The following PRKCH variants were observed in gnomAD, a reference collection of about 807,000 sequenced individuals.
PRKCH encodes protein kinase C eta.
PRKCH carries 28 observed loss-of-function variants against 82.5 expected under a neutral mutation model. The observed-to-expected ratio is 0.34, with a 90% CI of 0.25 to 0.47. The LOEUF (loss-of-function observed/expected upper bound fraction) is 0.47, where lower values mean the gene tolerates loss of function less well. PRKCH is among the 20% of genes least tolerant of loss of function. The pLI, the probability that PRKCH is intolerant of heterozygous loss-of-function variation, is 1.00. For synonymous variants in PRKCH, 322 were observed against 327.4 expected (o/e 0.98, Z 0.18); for missense variants, 705 against 881.8 (o/e 0.80, Z 2.54).
rs564691761 is a variant in PRKCH at position 61,537,004 on chromosome 14, G to A, written c.1761+6409G>A. On this transcript the variant is annotated intron_variant, in intron 12 of 13. Coordinates refer to ENST00000332981, the MANE Select transcript of PRKCH (RefSeq NM_006255.5). ...GGAGTGCAGAATCAGTGGGTGCGGG[G>A]GTAGCTTGAGCACACTTAGTTTTTA... Among the ~76,000 whole-genome samples the A allele has an allele frequency of 3.9e-5, 6 of 152,252 alleles. No homozygotes were observed. The East Asian group carries it at 1.2e-3, about 29-fold the overall frequency.
chr14:61,504,405 G>A (rs1887050196), intron 10 of PRKCH, among the ~76,000 whole-genome samples: 1 of 152,032 alleles, frequency 6.6e-6, no homozygotes, highest in African/African-American at 2.4e-5. Context: ...GGCCAGGCAG[G>A]TCTTGAACTC....
intron 1 of PRKCH, among the ~76,000 whole-genome samples, chr14:61,238,318 C>G (rs1566790550): frequency 1.3e-5 from 2 of 152,216 alleles, no homozygotes; most frequent in African/African-American, 2.4e-5. Context: ...GGGTCCCTGA[C>G]AGGAGATTGA....
At chr14:61,533,365 C>A (rs2043066285) in intron 12 of PRKCH, among the ~76,000 whole-genome samples, 1 of 148,702 alleles carries the variant, frequency 6.7e-6, no homozygotes, top group African/African-American at 2.5e-5. Flanking sequence ...CTCTCCATGC[C>A]TAAAAACAAG....
intron 10 of PRKCH, among the ~76,000 whole-genome samples, chr14:61,523,159 C>T (rs534505696): frequency 5.0e-4 from 76 of 152,352 alleles, no homozygotes; most frequent in South Asian, 4.8e-3. Context: ...AGCAAATGAT[C>T]TGCACATTTG....
At chr14:61,536,170 A>G (rs548642636) in intron 12 of PRKCH, among the ~76,000 whole-genome samples, 34 of 86,120 alleles carry the variant, frequency 3.9e-4, no homozygotes, top group East Asian at 3.2e-3. Flanking sequence ...CTGGGAGTCT[A>G]TGTCACCCTC....
At chr14:61,432,367 C>T (rs1274710838) in intron 2 of PRKCH, among the ~76,000 whole-genome samples, 1 of 152,136 alleles carries the variant, frequency 6.6e-6, no homozygotes, top group Admixed American at 6.5e-5. Context: ...CAAACCTTCC[C>T]TCGAACATTT....
chr14:61,487,757 C>G (rs1488668537), intron 10 of PRKCH, among the ~76,000 whole-genome samples: 1 of 151,384 alleles, frequency 6.6e-6, no homozygotes, highest in Non-Finnish European at 1.5e-5. Flanking sequence ...CCTCGGAAGG[C>G]TGAGCGGGGA....
At chr14:61,281,769 C>G (rs77080549) in intron 1 of PRKCH, 10,054 of 161,524 alleles carry the variant, frequency 0.062, 557 homozygotes, top group East Asian at 0.16. Flanking sequence ...GTTAGCTTCA[C>G]AAACCGCTTT....
At chr14:61,540,448 T>A (rs1206491776) in intron 12 of PRKCH, among the ~76,000 whole-genome samples, 1 of 152,206 alleles carries the variant, frequency 6.6e-6, no homozygotes, top group Non-Finnish European at 1.5e-5. Context: ...GCGTAGGGAC[T>A]GAGAGCAAAG....
At chr14:61,426,391 A>G (rs1048895864) in intron 2 of PRKCH, among the ~76,000 whole-genome samples, 10 of 152,170 alleles carry the variant, frequency 6.6e-5, no homozygotes, top group African/African-American at 2.4e-4. Context: ...CCAAACACAG[A>G]CACCAGAAAC....
At chr14:61,308,562 T>C (rs532570929) in intron 1 of PRKCH, among the ~76,000 whole-genome samples, 1 of 152,234 alleles carries the variant, frequency 6.6e-6, no homozygotes, top group African/African-American at 2.4e-5. Flanking sequence ...AGCACTTGTG[T>C]CTTTCTTGCT....
rs34477992 is a variant in PRKCH at position 61,433,043 on chromosome 14, C to CAAAAAAA, written c.428-10056_428-10050dup. ...CCCTCCCCTCACCCCCCAACCTCTT[C>CAAAAAAA]AAAAAAAAAAAAAAAAAACTATCAA... is the stretch of plus-strand genomic sequence containing the variant. On this transcript the variant is annotated intron_variant, in intron 2 of 13. Coordinates refer to ENST00000332981, the MANE Select transcript of PRKCH (RefSeq NM_006255.5). Among the ~76,000 whole-genome samples the CAAAAAAA allele has an allele frequency of 6.8e-4, 75 of 110,954 alleles. No individual in the cohort carries two copies. The East Asian group carries it at 8.9e-3, about 13-fold the overall frequency. The allele number at this position is 110,954 out of a possible 152,430, so 72.8% of individuals were successfully genotyped here. A position where few individuals can be genotyped will look rare whatever the true frequency, so the allele number is the denominator to read the frequency against.
At chr14:61,327,707 C>A (rs1028764720) in intron 1 of PRKCH, among the ~76,000 whole-genome samples, 32 of 152,206 alleles carry the variant, frequency 2.1e-4, no homozygotes, top group African/African-American at 7.5e-4. Context: ...CTTTAGATTA[C>A]AAATGGCTTG....
chr14:61,293,373 G>T (rs895808181), intron 1 of PRKCH, among the ~76,000 whole-genome samples: 1 of 152,222 alleles, frequency 6.6e-6, no homozygotes, highest in African/African-American at 2.4e-5. Flanking sequence ...ACAGGCTTCT[G>T]AAGGACTGGT....
intron 3 of PRKCH, among the ~76,000 whole-genome samples, chr14:61,443,986 G>A (rs928890919): frequency 6.6e-6 from 1 of 152,212 alleles, no homozygotes; most frequent in Non-Finnish European, 1.5e-5. Flanking sequence ...GTTTGGTAGC[G>A]TGAAAGGAGA....
chr14:61,321,858 TC>T lies in PRKCH; in HGVS notation c.-240del. 1 of 422,548 alleles carries T rather than the reference TC, an allele frequency of 2.4e-6. No individual in the cohort carries two copies. Among genetic ancestry groups the T allele is most frequent in the Non-Finnish European group, 4.3e-6 (1 of 232,040 alleles). The allele number at this position is 422,548 out of a possible 1,614,324, so 26.2% of individuals were successfully genotyped here. A position where few individuals can be genotyped will look rare whatever the true frequency, so the allele number is the denominator to read the frequency against. ...CGCGCTTGGAAGGGACGGTCGGGCTTCCCCGGCCCGCTGAGGGCTCGGCGGC... is the reference window on the plus strand; with the variant it reads ...CGCGCTTGGAAGGGACGGTCGGGCTTCCCGGCCCGCTGAGGGCTCGGCGGC... On this transcript the variant is annotated 5_prime_UTR_variant, in exon 1 of 14. Transcript: ENST00000332981. The surrounding 1 kb of genome is among the most constrained non-coding windows in gnomAD (Gnocchi z 4.1).
intron 1 of PRKCH, among the ~76,000 whole-genome samples, chr14:61,370,737 TCTA>T (rs1210364304): frequency 1.3e-5 from 2 of 152,116 alleles, no homozygotes; most frequent in African/African-American, 4.8e-5. Flanking sequence ...ATTTCTGTCT[TCTA>T]CTTCTGTTTT....
chr14:61,391,260 A>G lies in PRKCH; in HGVS notation c.399A>G (p.Val133=), dbSNP rs149107199. 4.1e-5 allele frequency: 66 copies of G among 1,611,286 alleles called. No individual in the cohort carries two copies. The African/African-American group carries it at 8.3e-4, about 20-fold the overall frequency. The change falls in exon 2 of 14, where the codon GTA becomes GTG. Residue 133 remains valine, a synonymous_variant. Coordinates refer to ENST00000332981, the MANE Select transcript of PRKCH (RefSeq NM_006255.5). ...AGCCAGAGGGGAAAGTATTTGTGGTAATAACCCTTACCGGGAGTTTCACTG... is the reference window on the plus strand; with the variant it reads ...AGCCAGAGGGGAAAGTATTTGTGGTGATAACCCTTACCGGGAGTTTCACTG... ...DLEPEGKVFV[V]ITLTGSFTEA... is the part of the protein sequence containing the mutation.
intron 1 of PRKCH, among the ~76,000 whole-genome samples, chr14:61,265,214 C>T (rs2045087599): frequency 6.6e-6 from 1 of 152,190 alleles, no homozygotes; most frequent in Non-Finnish European, 1.5e-5. Context: ...GGTGCGGTGG[C>T]TCATGTCTGT....
Sources: allele counts gnomAD v4.1 joint callset (sites outside exome capture counted in the v4.1 genomes callset), GRCh38; gene constraint gnomAD v4.1.1; non-coding constraint Gnocchi (gnomAD v3.1); transcripts MANE v1.5; gene names NCBI Gene and HGNC (gene_info 2026-07-23, HGNC 2026-07-21).